VIT: variants seen among roughly 807,000 people sequenced by gnomAD.
VIT encodes the protein vitrin.
Under a neutral mutation model 78.0 loss-of-function variants are expected in VIT, and 99 were observed. The observed-to-expected ratio is 1.27, with a 90% CI of 1.08 to 1.50. The LOEUF (loss-of-function observed/expected upper bound fraction) is 1.50. Ranked by LOEUF, VIT falls within the 40% of genes most tolerant of loss-of-function variation. VIT has a pLI of 0.00. For synonymous variants in VIT, 374 were observed against 334.3 expected (o/e 1.12, Z -1.29); for missense variants, 1,126 against 875.3 (o/e 1.29, Z -3.61).
intron 2 of VIT, among the ~76,000 whole-genome samples, chr2:36,724,875 A>G (rs1666738267): frequency 1.3e-5 from 2 of 152,204 alleles, no homozygotes; most frequent in South Asian, 4.2e-4. Context: ...TGAAACCCAA[A>G]TTTATTATTT....
chr2:36,773,591 C>T (rs1669880052), intron 7 of VIT, among the ~76,000 whole-genome samples, 200 bp from the exon 8 acceptor site: 2 of 152,036 alleles, frequency 1.3e-5, no homozygotes, highest in African/African-American at 2.4e-5. Context: ...ATTAGTTGAG[C>T]CTAGTGGTAC....
At chr2:36,792,766 G>T (rs1475934064) in intron 12 of VIT, among the ~76,000 whole-genome samples, 1 of 152,092 alleles carries the variant, frequency 6.6e-6, no homozygotes, top group Non-Finnish European at 1.5e-5. Context: ...GTCCCCCAGT[G>T]ACCCCTGACC....
At position 36,708,669 on chromosome 2, in the gene VIT, T is replaced by A. The variant is rs140045884; in HGVS notation, c.-18-7684T>A. On this transcript the variant is annotated intron_variant, in intron 1 of 15. Coordinates refer to ENST00000379242, the MANE Select transcript of VIT (RefSeq NM_053276.4). Reference sequence around the variant, plus strand: ...AACTCCCAGTTCTGAAGCTCCTCTGTCGCTGGGTCCTGTCCTTTCCTGTTC... The same window carrying A: ...AACTCCCAGTTCTGAAGCTCCTCTGACGCTGGGTCCTGTCCTTTCCTGTTC... Among the ~76,000 whole-genome samples, 525 of 152,280 alleles carry A rather than the reference T, an allele frequency of 3.4e-3. 3 individuals carry two copies. Among genetic ancestry groups the A allele is most frequent in the African/African-American group, 0.012 (509 of 41,538 alleles).
chr2:36,767,031 T>C, intron 6 of VIT, 63 bp from the exon 7 acceptor site: 1 of 1,435,078 alleles, frequency 7.0e-7, no homozygotes, highest in Non-Finnish European at 9.2e-7. Flanking sequence ...TTATTTTATT[T>C]CTAGTTCTAT....
intron 12 of VIT, 133 bp downstream of exon 12, chr2:36,787,409 C>A: frequency 1.6e-6 from 2 of 1,236,622 alleles, no homozygotes; most frequent in Non-Finnish European, 2.2e-6. Flanking sequence ...TTCCCTAATG[C>A]AAATGTAAAT....
intron 4 of VIT, among the ~76,000 whole-genome samples, chr2:36,744,801 G>A (rs1241758583): frequency 6.6e-6 from 1 of 152,016 alleles, no homozygotes; most frequent in African/African-American, 2.4e-5. Context: ...CTTTTGCTGT[G>A]CAGAGCTCTT....
intron 4 of VIT, among the ~76,000 whole-genome samples, chr2:36,746,002 G>C (rs1202692748): frequency 6.6e-6 from 1 of 152,086 alleles, no homozygotes; most frequent in Non-Finnish European, 1.5e-5. Flanking sequence ...TCAGTTGAGA[G>C]TTTTTATCAT....
chr2:36,773,688 C>A, intron 7 of VIT, 103 bp from the exon 8 acceptor site: 1 of 1,016,974 alleles, frequency 9.8e-7, no homozygotes, highest in South Asian at 3.1e-5. Context: ...CGCACCACTG[C>A]ACTCCAGCTC....
At chr2:36,771,382 C>T (rs1669743941) in intron 7 of VIT, among the ~76,000 whole-genome samples, 2 of 151,964 alleles carry the variant, frequency 1.3e-5, no homozygotes, top group African/African-American at 4.8e-5. Flanking sequence ...AAAAATTAGC[C>T]AGATGCAGTG....
intron 4 of VIT, among the ~76,000 whole-genome samples, chr2:36,752,660 C>T (rs1352335928): frequency 6.6e-6 from 1 of 152,232 alleles, no homozygotes; most frequent in Non-Finnish European, 1.5e-5. Flanking sequence ...CAGACTCTCT[C>T]CCTCCTCCTC....
chr2:36,743,881 G>C (rs1667982009), intron 4 of VIT, among the ~76,000 whole-genome samples: 1 of 151,964 alleles, frequency 6.6e-6, no homozygotes, highest in African/African-American at 2.4e-5. Flanking sequence ...CATGATGCTG[G>C]GGTTTGGAGT....
intron 2 of VIT, among the ~76,000 whole-genome samples, chr2:36,720,205 C>G (rs887962556): frequency 6.6e-6 from 1 of 151,986 alleles, no homozygotes; most frequent in Non-Finnish European, 1.5e-5. Context: ...GCAAAAAGAA[C>G]AAAGGTGGAG....
chr2:36,737,087 G>A (rs1484923692), intron 3 of VIT, among the ~76,000 whole-genome samples: 4 of 152,138 alleles, frequency 2.6e-5, no homozygotes, highest in South Asian at 2.1e-4. Flanking sequence ...AATTCTATAG[G>A]AGAATAACAA....
intron 1 of VIT, among the ~76,000 whole-genome samples, chr2:36,698,295 T>C (rs2148397481): frequency 6.6e-6 from 1 of 152,332 alleles, no homozygotes; most frequent in East Asian, 1.9e-4. Flanking sequence ...TTCATGAATA[T>C]TGTTAAGAAG....
At chr2:36,789,196 C>G (rs965883197) in intron 12 of VIT, among the ~76,000 whole-genome samples, 2 of 152,186 alleles carry the variant, frequency 1.3e-5, no homozygotes, top group African/African-American at 4.8e-5. Flanking sequence ...GCACCGCTGA[C>G]AGGTGATCTG....
intron 3 of VIT, among the ~76,000 whole-genome samples, chr2:36,738,040 G>T (rs1413090341): frequency 1.3e-5 from 2 of 152,192 alleles, no homozygotes; most frequent in African/African-American, 2.4e-5. Context: ...GGAAAATTAC[G>T]CTAGAAGAGT....
At chr2:36,707,062 C>T (rs1052453512) in intron 1 of VIT, among the ~76,000 whole-genome samples, 1 of 152,134 alleles carries the variant, frequency 6.6e-6, no homozygotes, top group Non-Finnish European at 1.5e-5. Context: ...AAACTCTCTG[C>T]AGACTCTGGT....
intron 5 of VIT, 145 bp from the exon 6 acceptor site, chr2:36,758,824 T>C: frequency 1.4e-6 from 1 of 736,336 alleles, no homozygotes; most frequent in Middle Eastern, 3.9e-4. Flanking sequence ...ACATTCTCAT[T>C]GTAATCAACT....
intron 10 of VIT, 74 bp downstream of exon 10, chr2:36,781,845 A>C: frequency 6.4e-7 from 1 of 1,573,506 alleles, no homozygotes; most frequent in African/African-American, 1.4e-5. Flanking sequence ...GAGTCTAATA[A>C]TCCAGCTGGC....
Sources: gnomAD v4.1 joint callset for allele counts (sites outside exome capture counted in the v4.1 genomes callset) on GRCh38, gnomAD v4.1.1 for gene constraint, MANE v1.5 for transcripts, NCBI Gene and HGNC (gene_info 2026-07-23, HGNC 2026-07-21) for gene names.